Variants in SYNPO2 observed in about 807,000 individuals in gnomAD.
SYNPO2 encodes the protein synaptopodin-2.
In SYNPO2, 56 loss-of-function variants were observed where a neutral mutation model predicts 85.0. The observed-to-expected ratio is 0.66, with a 90% CI of 0.53 to 0.82. The LOEUF is 0.82. Ranked by LOEUF, SYNPO2 falls within the 40% of genes least tolerant of loss-of-function variation. The pLI, the probability that SYNPO2 is intolerant of heterozygous loss-of-function variation, is 0.00. For missense variants in SYNPO2, 1,575 were observed against 1,534.2 expected (o/e 1.03, Z -0.44); for synonymous variants, 602 against 591.1 (o/e 1.02, Z -0.27).
intron 1 of SYNPO2, among the ~76,000 whole-genome samples, chr4:119,004,703 T>C (rs1736961432): frequency 6.8e-6 from 1 of 147,712 alleles, no homozygotes; most frequent in African/African-American, 2.5e-5. Context: ...GCATGTGTCT[T>C]TATAGCAGCA....
chr4:118,880,379 C>T (rs560931314), intron 1 of SYNPO2, among the ~76,000 whole-genome samples: 1 of 152,214 alleles, frequency 6.6e-6, no homozygotes, highest in African/African-American at 2.4e-5. Context: ...GATTTTAACA[C>T]TGATTTTGGG....
chr4:119,031,887 G>C lies in SYNPO2; in HGVS notation c.3112G>C (p.Ala1038Pro). 2 of 1,614,136 alleles carry C rather than the reference G, an allele frequency of 1.2e-6. No homozygotes were observed. Among genetic ancestry groups the C allele is most frequent in the Non-Finnish European group, 1.7e-6 (2 of 1,180,038 alleles). The stretch of plus-strand genomic sequence containing the variant: ...CTATACCTCTCCTCCTTCCTTCTTT[G>C]CAGAGGCCTCCTCACCAGTCAGTGC... ...PAYTSPPSFF[A>P]EASSPVSASP... The change falls in exon 4 of 5, where the codon GCA becomes CCA. Residue 1038 changes from alanine to proline, a missense_variant. Ala to Pro is a conservative substitution (Grantham distance 27). Transcript: ENST00000307142.
chr4:118,881,232 G>A (rs1223751570), intron 1 of SYNPO2, among the ~76,000 whole-genome samples: 4 of 151,612 alleles, frequency 2.6e-5, no homozygotes, highest in African/African-American at 7.3e-5. Flanking sequence ...AACCCGGGAG[G>A]TGGAGGTTGC....
chr4:118,913,566 TG>T (rs1733211139), intron 1 of SYNPO2, among the ~76,000 whole-genome samples: 1 of 40,234 alleles, frequency 2.5e-5, no homozygotes, highest in South Asian at 8.4e-4. Flanking sequence ...TTATTGTTTG[TG>T]TGTGTGTGTG....
chr4:118,983,883 C>T (rs1019631981), intron 1 of SYNPO2, among the ~76,000 whole-genome samples: 13 of 152,192 alleles, frequency 8.5e-5, no homozygotes, highest in Non-Finnish European at 1.8e-4. Flanking sequence ...GCACAGCCTC[C>T]CCATATCCTG....
At chr4:118,918,596 T>C (rs1360067413) in intron 1 of SYNPO2, among the ~76,000 whole-genome samples, 1 of 152,204 alleles carries the variant, frequency 6.6e-6, no homozygotes, top group African/African-American at 2.4e-5. Flanking sequence ...CACTAGAGCA[T>C]ATAGAGTTCA....
intron 1 of SYNPO2, among the ~76,000 whole-genome samples, chr4:118,856,732 G>A (rs910473444): frequency 1.3e-5 from 2 of 151,890 alleles, no homozygotes; most frequent in African/African-American, 4.8e-5. Context: ...GGCTGGTCCC[G>A]AACTCCTGGG....
At chr4:118,933,264 G>A (rs1297375544) in intron 1 of SYNPO2, among the ~76,000 whole-genome samples, 2 of 152,168 alleles carry the variant, frequency 1.3e-5, no homozygotes, top group Non-Finnish European at 2.9e-5. Context: ...TTAGGGTAGT[G>A]CATCCTGGAA....
At chr4:119,041,082 G>C (rs949594115) in intron 4 of SYNPO2, among the ~76,000 whole-genome samples, 3 of 152,174 alleles carry the variant, frequency 2.0e-5, no homozygotes, top group Non-Finnish European at 4.4e-5. Flanking sequence ...CAAACCCAGG[G>C]AATTTTTGTG....
chr4:118,902,729 T>C (rs1309407824), intron 1 of SYNPO2, among the ~76,000 whole-genome samples: 1 of 152,174 alleles, frequency 6.6e-6, no homozygotes, highest in Non-Finnish European at 1.5e-5. Flanking sequence ...TGAAATGTAT[T>C]CTCCCCGTGA....
At chr4:119,024,022 G>A (rs1737839456) in intron 2 of SYNPO2, among the ~76,000 whole-genome samples, 1 of 152,054 alleles carries the variant, frequency 6.6e-6, no homozygotes, top group Non-Finnish European at 1.5e-5. Context: ...ACAGAAAAGA[G>A]AAACAACAAC....
chr4:119,031,348 C>T lies in SYNPO2; in HGVS notation c.2573C>T (p.Ala858Val). 6.2e-7 allele frequency: 1 copy of T among 1,614,156 alleles called. No individual in the cohort carries two copies. Residue 858 changes from alanine (A) to valine (V), a missense_variant, in exon 4 of 5, where the codon GCA becomes GTA. Coordinates refer to ENST00000307142, the MANE Select transcript of SYNPO2 (RefSeq NM_133477.3). ...ACAGTCAATGCTGTTCAGCCTGGTG[C>T]AGTGGGACCATCCAATGAGCTTCCA... is the stretch of plus-strand genomic sequence containing the variant. ...TPTVNAVQPGAVGPSNELPGM... is the reference protein window; with the variant it reads ...TPTVNAVQPGVVGPSNELPGM...
rs185896786 is a variant in SYNPO2 at position 119,034,491 on chromosome 4, T to A, written c.3252+2464T>A. 17 of 985,440 alleles carry A rather than the reference T, an allele frequency of 1.7e-5. No homozygotes were observed. The East Asian group carries it at 1.9e-3, about 112-fold the overall frequency. 61.0% of individuals were successfully genotyped at this position (985,440 alleles called of 1,614,324 possible). A position where few individuals can be genotyped will look rare whatever the true frequency, so the allele number is the denominator to read the frequency against. On this transcript the variant is annotated intron_variant, in intron 4 of 4. Coordinates refer to ENST00000307142, the MANE Select transcript of SYNPO2 (RefSeq NM_133477.3). ...ATGCAAATAACATGACTATGCCTTC[T>A]GGTCATCCTAGGACTATTTGGAGTT...
At chr4:119,003,238 C>A (rs1736889648) in intron 1 of SYNPO2, among the ~76,000 whole-genome samples, 1 of 152,116 alleles carries the variant, frequency 6.6e-6, no homozygotes, top group African/African-American at 2.4e-5. Context: ...GGGAAGCAAG[C>A]ACTTACTTCA....
At chr4:118,963,324 T>C (rs1735178236) in intron 1 of SYNPO2, among the ~76,000 whole-genome samples, 2 of 152,228 alleles carry the variant, frequency 1.3e-5, no homozygotes, top group Non-Finnish European at 2.9e-5. Flanking sequence ...GTTAATTTAA[T>C]AGCACATTCA....
At chr4:119,012,380 T>C (rs866152519) in intron 1 of SYNPO2, among the ~76,000 whole-genome samples, 1,416 of 124,774 alleles carry the variant, frequency 0.011, 12 homozygotes, top group African/African-American at 0.037. Context: ...CTTTTCTTTT[T>C]TTTTTTTTTT....
At chr4:118,968,775 TC>T (rs981930716) in intron 1 of SYNPO2, among the ~76,000 whole-genome samples, 1 of 152,182 alleles carries the variant, frequency 6.6e-6, no homozygotes, top group African/African-American at 2.4e-5. Context: ...ATGGCATAAC[TC>T]CCTTGTGGAG....
chr4:118,964,987 C>T (rs532921590), intron 1 of SYNPO2, among the ~76,000 whole-genome samples: 16 of 152,184 alleles, frequency 1.1e-4, no homozygotes, highest in Non-Finnish European at 2.4e-4. Flanking sequence ...CCAAAGGCTG[C>T]TCCCAAGATT....
At chr4:118,966,000 AG>A (rs1735304696) in intron 1 of SYNPO2, among the ~76,000 whole-genome samples, 1 of 152,046 alleles carries the variant, frequency 6.6e-6, no homozygotes, top group Non-Finnish European at 1.5e-5. Flanking sequence ...AGTTGCTGTG[AG>A]CCATAATTGC....
Sources: gnomAD v4.1 joint callset for allele counts (sites outside exome capture counted in the v4.1 genomes callset) on GRCh38, gnomAD v4.1.1 for gene constraint, MANE v1.5 for transcripts, NCBI Gene and HGNC (gene_info 2026-07-23, HGNC 2026-07-21) for gene names.